The following CACNA2D1 variants were observed in gnomAD, a reference collection of about 807,000 sequenced individuals.
CACNA2D1 encodes voltage-dependent calcium channel subunit alpha-2/delta-1.
CACNA2D1 carries 53 observed loss-of-function variants against 171.5 expected under a neutral mutation model. The observed-to-expected ratio is 0.31, with a 90% CI of 0.25 to 0.39. CACNA2D1 has a LOEUF of 0.39. Ranked by LOEUF, CACNA2D1 falls within the 10% of genes least tolerant of loss-of-function variation. The pLI is 1.00. For synonymous variants in CACNA2D1, 442 were observed against 443.1 expected, an observed-to-expected ratio of 1.00 and a Z score of 0.03; for missense variants, 903 against 1,299.8, an observed-to-expected ratio of 0.69 and a Z score of 4.69.
At chr7:82,188,332 G>C (rs766292973) in intron 3 of CACNA2D1, among the ~76,000 whole-genome samples, 5 of 152,040 alleles carry the variant, frequency 3.3e-5, no homozygotes, top group Non-Finnish European at 7.4e-5. Flanking sequence ...TAGCAGTCAG[G>C]GAGACTGTAA....
intron 17 of CACNA2D1, 70 bp from the exon 18 acceptor site, chr7:82,005,567 T>A (rs184952899): frequency 9.9e-7 from 1 of 1,010,962 alleles, no homozygotes; most frequent in Admixed American, 2.1e-5. Context: ...TTCTTTTAAA[T>A]ACATAATGTA....
At chr7:82,026,040 C>T (rs983848820) in intron 12 of CACNA2D1, among the ~76,000 whole-genome samples, 35 of 146,620 alleles carry the variant, frequency 2.4e-4, no homozygotes, top group African/African-American at 8.7e-4. Context: ...TTCTTTGTCT[C>T]GTGTCAGTTT....
intron 3 of CACNA2D1, among the ~76,000 whole-genome samples, chr7:82,194,062 T>A (rs1451264837): frequency 6.6e-6 from 1 of 152,060 alleles, no homozygotes; most frequent in Non-Finnish European, 1.5e-5. Flanking sequence ...GGAAGTAGTT[T>A]GTGTTGAATT....
chr7:82,374,706 C>T (rs1822808382), intron 1 of CACNA2D1, among the ~76,000 whole-genome samples: 1 of 150,702 alleles, frequency 6.6e-6, no homozygotes, highest in Non-Finnish European at 1.5e-5. Flanking sequence ...AATGTAGTTG[C>T]TTAAATTTTG....
intron 3 of CACNA2D1, among the ~76,000 whole-genome samples, chr7:82,265,698 G>A (rs1807756659): frequency 6.6e-6 from 1 of 151,974 alleles, no homozygotes; most frequent in African/African-American, 2.4e-5. Context: ...TCTCGAAGAT[G>A]AATTCATCTT....
intron 3 of CACNA2D1, among the ~76,000 whole-genome samples, chr7:82,242,808 CA>C (rs11358792): frequency 0.76 from 115,901 of 151,906 alleles, 45,272 homozygotes; most frequent in African/African-American, 0.93. Context: ...GAGTCAGACT[CA>C]ATACTGAATT....
chr7:82,383,031 G>A (rs1019417973), intron 1 of CACNA2D1, among the ~76,000 whole-genome samples: 1 of 152,062 alleles, frequency 6.6e-6, no homozygotes, highest in Admixed American at 6.6e-5. Flanking sequence ...CTCCACAGTT[G>A]TAAAAGAAGG....
At chr7:82,135,163 A>T (rs535050684) in intron 5 of CACNA2D1, among the ~76,000 whole-genome samples, 1 of 152,110 alleles carries the variant, frequency 6.6e-6, no homozygotes, top group African/African-American at 2.4e-5. Context: ...CGTCAATGCC[A>T]TTCACTTTAT....
Position 82,045,987 on chromosome 7 carries a change from G to A in CACNA2D1, c.880-7752C>T, listed in dbSNP as rs1015260067. 2.6e-5 allele frequency among the ~76,000 whole-genome samples: 4 copies of A among 152,032 alleles called. No individual in the cohort carries two copies. The East Asian group carries it at 5.8e-4, about 22-fold the overall frequency. Reference sequence around the variant, plus strand: ...ACAGAGGAGAAAGCTACCACATCCCGTCATGTGATATTCTTCACAACTGTC... The same window carrying A: ...ACAGAGGAGAAAGCTACCACATCCCATCATGTGATATTCTTCACAACTGTC... On this transcript the variant is annotated intron_variant, in intron 10 of 38. Transcript: ENST00000356860.
chr7:82,145,332 T>C (rs1792869405), intron 4 of CACNA2D1, among the ~76,000 whole-genome samples: 2 of 144,982 alleles, frequency 1.4e-5, no homozygotes, highest in African/African-American at 2.5e-5. Flanking sequence ...ATATAAATTG[T>C]ATATAATATA....
intron 7 of CACNA2D1, among the ~76,000 whole-genome samples, chr7:82,071,729 G>C (rs1456941836): frequency 6.6e-6 from 1 of 152,124 alleles, no homozygotes; most frequent in African/African-American, 2.4e-5. Context: ...CTTCTAGTAA[G>C]AGTCCTCAAG....
At chr7:82,356,713 AT>A (rs1215179719) in intron 1 of CACNA2D1, among the ~76,000 whole-genome samples, 3 of 151,910 alleles carry the variant, frequency 2.0e-5, no homozygotes, top group Non-Finnish European at 4.4e-5. Context: ...TCTCTCCGTA[AT>A]CCACATCAGA....
intron 4 of CACNA2D1, among the ~76,000 whole-genome samples, chr7:82,147,565 T>C (rs892763690): frequency 1.3e-5 from 2 of 152,188 alleles, no homozygotes; most frequent in African/African-American, 4.8e-5. Flanking sequence ...TCATTTCTTA[T>C]GTTTCTTCCT....
intron 4 of CACNA2D1, 90 bp downstream of exon 4, chr7:82,170,460 C>T (rs543270893): frequency 1.1e-4 from 107 of 971,184 alleles, no homozygotes; most frequent in Non-Finnish European, 1.7e-4. Flanking sequence ...TCATAAGATT[C>T]CATCATTAAA....
chr7:82,291,490 A>G (rs1166920753), intron 3 of CACNA2D1, among the ~76,000 whole-genome samples: 1 of 133,476 alleles, frequency 7.5e-6, no homozygotes, highest in Non-Finnish European at 1.5e-5. Context: ...TATATTATAT[A>G]TATTTTTATA....
intron 3 of CACNA2D1, among the ~76,000 whole-genome samples, chr7:82,269,049 C>A (rs768443064): frequency 7.2e-5 from 11 of 152,094 alleles, no homozygotes; most frequent in Non-Finnish European, 1.5e-4. Flanking sequence ...AAACCTGAAA[C>A]CTAGATGTCT....
chr7:82,431,967 G>A (rs1426163449), intron 1 of CACNA2D1, among the ~76,000 whole-genome samples: 1 of 148,588 alleles, frequency 6.7e-6, no homozygotes, highest in Admixed American at 6.8e-5. Context: ...GAACCCAGGA[G>A]GTGGAGGTTG....
At chr7:82,012,106 G>T in intron 15 of CACNA2D1, 48 bp downstream of exon 15, 1 of 1,066,894 alleles carries the variant, frequency 9.4e-7, no homozygotes, top group Non-Finnish European at 1.5e-6. Context: ...GAAATCATCT[G>T]TGTGCTTTTG....
rs188129917 is a variant in CACNA2D1, at chr7:82,024,828, T to C, written c.1143+7969A>G. ...TTTGAGTTGTTCTTTGTGTATGGTG[T>C]CAGATAAGGATCCAATTTCATCTTT... is the stretch of plus-strand genomic sequence containing the variant. On this transcript the variant is annotated intron_variant, in intron 12 of 38. Transcript: ENST00000356860. 3.5e-3 allele frequency among the ~76,000 whole-genome samples: 525 copies of C among 151,830 alleles called. 1 individual carries two copies. The highest frequency in any genetic ancestry group is 6.7e-3 in the Non-Finnish European group (452 of 67,716).
Sources: gnomAD v4.1 joint callset for allele counts (sites outside exome capture counted in the v4.1 genomes callset) on GRCh38, gnomAD v4.1.1 for gene constraint, MANE v1.5 for transcripts, NCBI Gene and HGNC (gene_info 2026-07-23, HGNC 2026-07-21) for gene names.